Variants in GPC6 observed in about 807,000 individuals in gnomAD.
GPC6 encodes glypican-6.
GPC6 carries 14 observed loss-of-function variants against 55.2 expected under a neutral mutation model. The observed-to-expected ratio is 0.25, with a 90% CI of 0.17 to 0.40. The LOEUF (loss-of-function observed/expected upper bound fraction) is 0.40. GPC6 is among the 10% of genes least tolerant of loss of function. The pLI, the probability that GPC6 is intolerant of heterozygous loss-of-function variation, is 1.00. For missense variants in GPC6, 641 were observed against 708.5 expected (o/e 0.90, Z 1.08); for synonymous variants, 278 against 259.6 (o/e 1.07, Z -0.68).
At chr13:94,342,616 C>A (rs1313705099) in intron 6 of GPC6, among the ~76,000 whole-genome samples, 1 of 152,178 alleles carries the variant, frequency 6.6e-6, no homozygotes, top group African/African-American at 2.4e-5. Flanking sequence ...TTTTAAGTCA[C>A]CCCGTTGTGG....
chr13:93,764,759 C>T (rs1345868218), intron 2 of GPC6, among the ~76,000 whole-genome samples: 2 of 152,040 alleles, frequency 1.3e-5, no homozygotes, highest in African/African-American at 4.8e-5. Context: ...TCCTGGAAGA[C>T]TAGAATTAAG....
intron 2 of GPC6, among the ~76,000 whole-genome samples, chr13:93,628,278 T>G (rs1017911935): frequency 3.3e-5 from 5 of 152,184 alleles, no homozygotes; most frequent in Admixed American, 3.3e-4. Flanking sequence ...CCAGGTTCAG[T>G]TCCATCCCTG....
chr13:94,331,775 A>G (rs897018476), intron 6 of GPC6, among the ~76,000 whole-genome samples: 4 of 152,214 alleles, frequency 2.6e-5, no homozygotes, highest in African/African-American at 7.2e-5. Context: ...ATCACTACTT[A>G]GGAAAAGTAA....
intron 2 of GPC6, among the ~76,000 whole-genome samples, chr13:93,823,856 G>A (rs1481403276): frequency 1.3e-5 from 2 of 152,038 alleles, no homozygotes; most frequent in South Asian, 2.1e-4. Context: ...AATTAGTTGA[G>A]TAAATAATAA....
At chr13:93,751,424 G>T (rs1369694781) in intron 2 of GPC6, among the ~76,000 whole-genome samples, 1 of 150,510 alleles carries the variant, frequency 6.6e-6, no homozygotes. Context: ...CCTTTTCAAG[G>T]TTTTCAGAAA....
intron 4 of GPC6, among the ~76,000 whole-genome samples, chr13:94,101,801 G>A (rs887054440): frequency 6.6e-6 from 1 of 151,348 alleles, no homozygotes; most frequent in Non-Finnish European, 1.5e-5. Flanking sequence ...AAAAAACCAA[G>A]CAAATATTGG....
chr13:93,389,160 T>G (rs1185583414), intron 1 of GPC6, among the ~76,000 whole-genome samples: 2 of 151,948 alleles, frequency 1.3e-5, no homozygotes, highest in Non-Finnish European at 2.9e-5. Flanking sequence ...GAAGGATGAA[T>G]GGGTAGAAAT....
intron 3 of GPC6, among the ~76,000 whole-genome samples, chr13:93,888,784 G>C (rs1306335634): frequency 6.6e-6 from 1 of 152,132 alleles, no homozygotes; most frequent in Non-Finnish European, 1.5e-5. Context: ...GATGGAATAA[G>C]CATTCTGCAA....
intron 2 of GPC6, among the ~76,000 whole-genome samples, chr13:93,744,201 G>A (rs1317331094): frequency 1.3e-5 from 2 of 152,094 alleles, no homozygotes; most frequent in African/African-American, 2.4e-5. Flanking sequence ...CACATGGGAG[G>A]TCTCTACCCG....
At chr13:93,352,896 A>G (rs1420789834) in intron 1 of GPC6, among the ~76,000 whole-genome samples, 6 of 152,266 alleles carry the variant, frequency 3.9e-5, no homozygotes, top group Non-Finnish European at 7.4e-5. Context: ...GAAGACAATT[A>G]GGAAGCGCTT....
At chr13:93,592,084 G>A (rs9788393) in intron 2 of GPC6, among the ~76,000 whole-genome samples, 87,815 of 152,010 alleles carry the variant, frequency 0.58, 30,481 homozygotes, top group Non-Finnish European at 0.78. Flanking sequence ...GTTAAAGTAA[G>A]TGAAAATAAG....
At chr13:93,717,326 C>A (rs1396467075) in intron 2 of GPC6, among the ~76,000 whole-genome samples, 1 of 151,578 alleles carries the variant, frequency 6.6e-6, no homozygotes, top group Non-Finnish European at 1.5e-5. Context: ...CTTTAAAATT[C>A]TGATTTAAGT....
At chr13:94,098,650 C>A (rs1156578686) in intron 4 of GPC6, among the ~76,000 whole-genome samples, 1 of 151,740 alleles carries the variant, frequency 6.6e-6, no homozygotes, top group Non-Finnish European at 1.5e-5. Context: ...TAGTGTATGC[C>A]CCTGAGCCTG....
rs74979084 is a variant in GPC6 at position 94,035,206 on chromosome 13, A to G, written c.877+7312A>G. Among the ~76,000 whole-genome samples, 1,482 of 152,204 alleles carry G rather than the reference A, an allele frequency of 9.7e-3. 30 individuals carry two copies. Among genetic ancestry groups the G allele is most frequent in the South Asian group, 0.066 (319 of 4,820 alleles). On this transcript the variant is annotated intron_variant, in intron 4 of 8. Transcript: ENST00000377047. ...TGACATTTGACTTTAATAACATGTT[A>G]CAATTTTCACTGTCATGTTTTCAAG...
At chr13:93,840,196 A>C (rs1023125959) in intron 3 of GPC6, among the ~76,000 whole-genome samples, 1 of 152,176 alleles carries the variant, frequency 6.6e-6, no homozygotes, top group African/African-American at 2.4e-5. Flanking sequence ...ATAGAGTATT[A>C]GCAAGATTGA....
At chr13:94,263,611 A>G (rs1434455931) in intron 4 of GPC6, among the ~76,000 whole-genome samples, 1 of 152,226 alleles carries the variant, frequency 6.6e-6, no homozygotes, top group African/African-American at 2.4e-5. Flanking sequence ...TAGGTTAATC[A>G]TAGCAGTCAT....
intron 6 of GPC6, among the ~76,000 whole-genome samples, chr13:94,346,000 C>G (rs902311400): frequency 3.9e-5 from 6 of 152,056 alleles, no homozygotes; most frequent in African/African-American, 1.4e-4. Context: ...GTGGATTTCC[C>G]AACAACCCTG....
At chr13:93,629,530 A>G (rs191338242) in intron 2 of GPC6, among the ~76,000 whole-genome samples, 13 of 152,318 alleles carry the variant, frequency 8.5e-5, no homozygotes, top group Admixed American at 5.2e-4. Context: ...CATACAGTTG[A>G]TCCAATTCAG....
chr13:93,244,155 G>A (rs542931483), intron 1 of GPC6, among the ~76,000 whole-genome samples: 79 of 152,228 alleles, frequency 5.2e-4, no homozygotes, highest in African/African-American at 1.9e-3. Context: ...AACCACTTTC[G>A]CTGCATAAAA....
Sources: allele counts gnomAD v4.1 joint callset (sites outside exome capture counted in the v4.1 genomes callset), GRCh38; gene constraint gnomAD v4.1.1; transcripts MANE v1.5; gene names NCBI Gene and HGNC (gene_info 2026-07-23, HGNC 2026-07-21).